The following HECA variants were observed in gnomAD, a reference collection of about 807,000 sequenced individuals.
The protein encoded by HECA is headcase protein homolog.
Under a neutral mutation model 37.6 loss-of-function variants are expected in HECA, and 13 were observed. That is an observed-to-expected ratio of 0.35 (90% CI 0.23 to 0.55). HECA has a LOEUF of 0.55. Ranked by LOEUF, HECA falls within the 20% of genes least tolerant of loss-of-function variation. HECA has a pLI of 0.90. For synonymous variants in HECA, 307 were observed against 291.5 expected (o/e 1.05, Z -0.54); for missense variants, 527 against 701.9 (o/e 0.75, Z 2.82).
intron 1 of HECA, among the ~76,000 whole-genome samples, chr6:139,143,868 AAAAAAAAAAAG>A (rs1431993705): frequency 9.3e-5 from 14 of 150,198 alleles, no homozygotes; most frequent in African/African-American, 1.9e-4. Context: ...TCAAAAAAAA[AAAAAAAAAAAG>A]AAAGAAAGAA....
rs534558406 is a variant in HECA at position 139,174,131 on chromosome 6, C to T, written c.1313-254C>T. On this transcript the variant is annotated intron_variant, in intron 2 of 3. Coordinates refer to ENST00000367658, the MANE Select transcript of HECA (RefSeq NM_016217.3). ...GACCCATTATGTAAGCCCAGCAGCCCTTTTTGGAAAAGTGAATTGAAGCCA... is the reference window on the plus strand; with the variant it reads ...GACCCATTATGTAAGCCCAGCAGCCTTTTTTGGAAAAGTGAATTGAAGCCA... 1.6e-4 allele frequency among the ~76,000 whole-genome samples: 25 copies of T among 152,300 alleles called. No individual in the cohort carries two copies. The East Asian group carries it at 4.6e-3, about 28-fold the overall frequency.
chr6:139,166,160 C>A (rs1259360519), intron 1 of HECA, 124 bp from the exon 2 acceptor site: 2 of 769,390 alleles, frequency 2.6e-6, no homozygotes, highest in East Asian at 2.6e-5. Flanking sequence ...TTTAAAGGAA[C>A]CCTGGAACTG....
intron 1 of HECA, among the ~76,000 whole-genome samples, chr6:139,156,161 T>G (rs1351346355): frequency 6.7e-6 from 1 of 149,304 alleles, no homozygotes; most frequent in Non-Finnish European, 1.5e-5. Context: ...GTATTATTAT[T>G]TTTTACATTC....
intron 1 of HECA, among the ~76,000 whole-genome samples, chr6:139,149,854 G>C (rs1774630754): frequency 6.6e-6 from 1 of 152,176 alleles, no homozygotes. Flanking sequence ...GAGCATAGCT[G>C]ACTTTGGGAT....
chr6:139,162,416 A>T (rs996265556), intron 1 of HECA, among the ~76,000 whole-genome samples: 3 of 152,148 alleles, frequency 2.0e-5, no homozygotes, highest in Admixed American at 6.5e-5. Context: ...TCTGCATTTT[A>T]TACAGAGGAA....
chr6:139,162,787 A>T lies in HECA; in HGVS notation c.272-3497A>T, dbSNP rs189566455. The stretch of plus-strand genomic sequence containing the variant: ...TGTGTCTGTGGTTCAGTGTGCAGGG[A>T]TAAGGTTGGGAAGGTTGTTGAGTAG... On this transcript the variant is annotated intron_variant, in intron 1 of 3. Coordinates refer to ENST00000367658, the MANE Select transcript of HECA (RefSeq NM_016217.3). Among the ~76,000 whole-genome samples the T allele has an allele frequency of 2.6e-3, 389 of 152,244 alleles. 1 individual carries two copies. The highest frequency in any genetic ancestry group is 9.2e-3 in the African/African-American group (381 of 41,538).
At chr6:139,137,889 A>G (rs1774469502) in intron 1 of HECA, among the ~76,000 whole-genome samples, 1 of 152,090 alleles carries the variant, frequency 6.6e-6, no homozygotes, top group African/African-American at 2.4e-5. Context: ...TATTAAGTGA[A>G]AGGCGGGGAG....
chr6:139,135,568 CCGGGCGCCGGAGGCGCGG>C lies in HECA; in HGVS notation c.191_208del (p.Ala64_Ala69del), dbSNP rs1230298977. ...TTGCGGGGCGGCGGCGGCGGGCGCG[CCGGGCGCCGGAGGCGCGG>C]CGGGCGCCGGAGGCGCGGGGACTGG... On this transcript the variant is annotated inframe_deletion, in exon 1 of 4. Coordinates refer to ENST00000367658, the MANE Select transcript of HECA (RefSeq NM_016217.3). 11,664 of 970,226 alleles carry C rather than the reference CCGGGCGCCGGAGGCGCGG, an allele frequency of 0.012. 66 individuals are homozygous for C. The highest frequency in any genetic ancestry group is 0.013 in the Non-Finnish European group (10,702 of 821,434). 60.1% of individuals were successfully genotyped at this position (970,226 alleles called of 1,614,324 possible).
chr6:139,137,222 T>A (rs1582932631), intron 1 of HECA, among the ~76,000 whole-genome samples: 1 of 152,182 alleles, frequency 6.6e-6, no homozygotes, highest in Non-Finnish European at 1.5e-5. Context: ...GTGCTCAGAC[T>A]CTGGGTAGGA....
At chr6:139,143,585 A>AGGCG (rs1774542617) in intron 1 of HECA, among the ~76,000 whole-genome samples, 2 of 152,176 alleles carry the variant, frequency 1.3e-5, no homozygotes, top group South Asian at 4.1e-4. Context: ...AAACGCTGCC[A>AGGCG]GGCGTGGTGG....
At chr6:139,139,152 G>A (rs1235802782) in intron 1 of HECA, among the ~76,000 whole-genome samples, 2 of 151,996 alleles carry the variant, frequency 1.3e-5, no homozygotes, top group African/African-American at 2.4e-5. Context: ...GGGCAGCAGA[G>A]TCTGCCTTAA....
chr6:139,149,509 T>A (rs1774626553), intron 1 of HECA, among the ~76,000 whole-genome samples: 1 of 152,206 alleles, frequency 6.6e-6, no homozygotes. Context: ...TGTGGCTGCT[T>A]CCCAACCAGT....
chr6:139,137,658 G>A (rs1280089189), intron 1 of HECA, among the ~76,000 whole-genome samples: 1 of 131,456 alleles, frequency 7.6e-6, no homozygotes, highest in African/African-American at 3.0e-5. Context: ...TGGCCTATGT[G>A]GAAGCTTCAA....
chr6:139,180,318 TA>T lies in HECA; in HGVS notation c.*3215del, dbSNP rs1365095280. Reference sequence around the variant, plus strand: ...ATGTACCTTATTAGAGCACCAGAACTAATTTGCTAAGTCTTTTGTTTAGTCC... The same window carrying T: ...ATGTACCTTATTAGAGCACCAGAACTATTTGCTAAGTCTTTTGTTTAGTCC... On this transcript the variant is annotated 3_prime_UTR_variant, in exon 4 of 4. Coordinates refer to ENST00000367658, the MANE Select transcript of HECA (RefSeq NM_016217.3). The T allele has an allele frequency of 2.6e-5, 4 of 152,640 alleles. No individual in the cohort carries two copies. Among genetic ancestry groups the T allele is most frequent in the Admixed American group, 2.6e-4 (4 of 15,286 alleles). 9.5% of individuals were successfully genotyped at this position (152,640 alleles called of 1,614,324 possible).
chr6:139,136,659 G>T lies in HECA; in HGVS notation c.271+992G>T, dbSNP rs1157477651. Among the ~76,000 whole-genome samples the T allele has an allele frequency of 2.0e-5, 3 of 149,514 alleles. No individual in the cohort carries two copies. The South Asian group carries it at 6.3e-4, about 31-fold the overall frequency. ...TTGTTTTGTTTTTTTTTTTTTAGACGGAGTTTGCAATTTCGCCCAGGCTGG... is the reference window on the plus strand; with the variant it reads ...TTGTTTTGTTTTTTTTTTTTTAGACTGAGTTTGCAATTTCGCCCAGGCTGG... On this transcript the variant is annotated intron_variant, in intron 1 of 3. Coordinates refer to ENST00000367658, the MANE Select transcript of HECA (RefSeq NM_016217.3).
In HECA at chr6:139,176,812, A is replaced by C; in HGVS notation, c.1468-129A>C. The C allele has an allele frequency of 3.1e-6, 2 of 643,354 alleles. No individual in the cohort carries two copies. Among genetic ancestry groups the C allele is most frequent in the Non-Finnish European group, 5.5e-6 (2 of 360,674 alleles). 39.9% of individuals were successfully genotyped at this position (643,354 alleles called of 1,614,324 possible). Reference sequence around the variant, plus strand: ...AGTCTTTCAGGTATACCCCGTTTCCATGTTTTTGGTAGTAAAAGGGATGCT... The same window carrying C: ...AGTCTTTCAGGTATACCCCGTTTCCCTGTTTTTGGTAGTAAAAGGGATGCT... On this transcript the variant is annotated intron_variant, in intron 3 of 3. Transcript: ENST00000367658. The surrounding 1 kb of genome is among the most constrained non-coding windows in gnomAD (Gnocchi z 4.5).
At chr6:139,162,531 G>A (rs1195609131) in intron 1 of HECA, among the ~76,000 whole-genome samples, 1 of 152,204 alleles carries the variant, frequency 6.6e-6, no homozygotes, top group African/African-American at 2.4e-5. Context: ...TCTGAACTGT[G>A]AATTGCTGTC....
intron 1 of HECA, chr6:139,144,681 GT>G (rs1407838568): frequency 2.0e-5 from 3 of 152,260 alleles, no homozygotes; most frequent in African/African-American, 7.2e-5. Flanking sequence ...TTGTTGACAA[GT>G]TTGTAAAATT....
At chr6:139,175,416 A>T (rs1775037411) in intron 3 of HECA, among the ~76,000 whole-genome samples, 1 of 152,136 alleles carries the variant, frequency 6.6e-6, no homozygotes, top group African/African-American at 2.4e-5. Flanking sequence ...TTGTAAAGAG[A>T]GTATCTTTAC....
Sources: allele counts gnomAD v4.1 joint callset (sites outside exome capture counted in the v4.1 genomes callset), GRCh38; gene constraint gnomAD v4.1.1; non-coding constraint Gnocchi (gnomAD v3.1); transcripts MANE v1.5; gene names NCBI Gene and HGNC (gene_info 2026-07-23, HGNC 2026-07-21).